CHPT1: variants seen among roughly 807,000 people sequenced by gnomAD.
CHPT1 encodes the protein cholinephosphotransferase 1.
CHPT1 carries 36 observed loss-of-function variants against 47.6 expected under a neutral mutation model. That is an observed-to-expected ratio of 0.76 (90% confidence interval 0.58 to 1.00). The LOEUF (loss-of-function observed/expected upper bound fraction) is 1.00, where lower values mean the gene tolerates loss of function less well. Among genes scored for constraint, CHPT1 ranks in the 50% least tolerant of loss-of-function variants. The pLI is 0.00. For synonymous variants in CHPT1, 194 were observed against 186.3 expected (o/e 1.04, Z -0.33); for missense variants, 458 against 498.1 (o/e 0.92, Z 0.77).
chr12:101,708,716 C>A (rs1318533626), intron 1 of CHPT1, among the ~76,000 whole-genome samples: 1 of 149,624 alleles, frequency 6.7e-6, no homozygotes, highest in African/African-American at 2.4e-5. Flanking sequence ...CGTGCCTCAG[C>A]CTCCTGAGTA....
At chr12:101,724,664 A>C (rs1360802726) in intron 7 of CHPT1, among the ~76,000 whole-genome samples, 1 of 152,188 alleles carries the variant, frequency 6.6e-6, no homozygotes, top group Non-Finnish European at 1.5e-5. Context: ...CCTTGAGGAT[A>C]GTGTATAATT....
chr12:101,727,924 G>GTT (rs1408040899), intron 8 of CHPT1: 2 of 152,102 alleles, frequency 1.3e-5, no homozygotes, highest in South Asian at 2.1e-4. Flanking sequence ...ATAAGGGTGA[G>GTT]TTATACAGGC....
intron 1 of CHPT1, among the ~76,000 whole-genome samples, chr12:101,707,721 G>T (rs1951651930): frequency 6.6e-6 from 1 of 152,148 alleles, no homozygotes; most frequent in African/African-American, 2.4e-5. Context: ...TGGAGTTTTG[G>T]ATTGGGTATG....
intron 6 of CHPT1, 107 bp downstream of exon 6, chr12:101,723,433 CATA>C (rs1951890573): frequency 4.1e-6 from 3 of 727,926 alleles, no homozygotes; most frequent in East Asian, 5.6e-5. Context: ...AGTGTAAAAT[CATA>C]ATAATTAGCT....
chr12:101,717,201 AAG>A (rs1159476341), intron 4 of CHPT1: 1 of 442,930 alleles, frequency 2.3e-6, no homozygotes, highest in South Asian at 1.6e-5. Context: ...AATATTAGGA[AAG>A]TAGTTAATTT....
At chr12:101,723,403 A>G in intron 6 of CHPT1, 77 bp downstream of exon 6, 1 of 913,268 alleles carries the variant, frequency 1.1e-6, no homozygotes, top group East Asian at 2.7e-5. Context: ...ATTTCATAAA[A>G]TGTATAGGTT....
At chr12:101,721,825 C>T (rs1445820762) in intron 5 of CHPT1, among the ~76,000 whole-genome samples, 1 of 152,074 alleles carries the variant, frequency 6.6e-6, no homozygotes. Context: ...CTTTGGGAGG[C>T]CGAGGCGGGC....
chr12:101,726,109 A>G (rs545086613), intron 7 of CHPT1, among the ~76,000 whole-genome samples, 185 bp from the exon 8 acceptor site: 2 of 152,218 alleles, frequency 1.3e-5, no homozygotes, highest in East Asian at 3.9e-4. Context: ...ACTGTGAAAT[A>G]ACCTGCATTT....
chr12:101,710,235 A>G (rs1445781908), intron 1 of CHPT1, among the ~76,000 whole-genome samples: 1 of 148,666 alleles, frequency 6.7e-6, no homozygotes, highest in Non-Finnish European at 1.5e-5. Context: ...AATCTCAGCT[A>G]CTTTGGGAGG....
At chr12:101,724,360 C>A (rs898570135) in intron 7 of CHPT1, among the ~76,000 whole-genome samples, 5 of 152,002 alleles carry the variant, frequency 3.3e-5, no homozygotes, top group Non-Finnish European at 7.4e-5. Flanking sequence ...TTTCCAACAA[C>A]CTGGATTCTT....
intron 1 of CHPT1, among the ~76,000 whole-genome samples, chr12:101,706,501 A>T (rs1279291659): frequency 6.6e-6 from 1 of 152,230 alleles, no homozygotes; most frequent in Non-Finnish European, 1.5e-5. Context: ...TACCATTTTC[A>T]TTTAGAGAAG....
At chr12:101,718,664 T>TAAA (rs869226936) in intron 4 of CHPT1, among the ~76,000 whole-genome samples, 1 of 129,044 alleles carries the variant, frequency 7.7e-6, no homozygotes, top group African/African-American at 2.9e-5. Flanking sequence ...ACCCCATCTT[T>TAAA]AAAAAAAAAA....
chr12:101,724,218 C>CAA (rs36006364), intron 7 of CHPT1, among the ~76,000 whole-genome samples: 15 of 77,172 alleles, frequency 1.9e-4, no homozygotes, highest in Admixed American at 3.8e-4. Flanking sequence ...GACTGTGTCT[C>CAA]AAAAAAAAAA....
intron 3 of CHPT1, among the ~76,000 whole-genome samples, 187 bp from the exon 4 acceptor site, chr12:101,716,541 C>T (rs1410673862): frequency 6.6e-6 from 1 of 152,112 alleles, no homozygotes; most frequent in Non-Finnish European, 1.5e-5. Context: ...TGTGTGAGCA[C>T]ATGTTGTTCT....
At chr12:101,709,388 C>CA (rs544323245) in intron 1 of CHPT1, among the ~76,000 whole-genome samples, 16,355 of 71,224 alleles carry the variant, frequency 0.23, 2,450 homozygotes, top group African/African-American at 0.42. Context: ...AGACCTGTGT[C>CA]AAAAAAAAAA....
chr12:101,713,333 G>A (rs905566132), intron 1 of CHPT1, among the ~76,000 whole-genome samples: 5 of 152,168 alleles, frequency 3.3e-5, no homozygotes, highest in African/African-American at 9.7e-5. Context: ...AGCCGAAGAC[G>A]GAAAGATACC....
intron 4 of CHPT1, chr12:101,719,640 A>AG: frequency 2.0e-6 from 1 of 490,660 alleles, no homozygotes. Flanking sequence ...CTGTGATGCT[A>AG]CTTTTTAGAA....
chr12:101,717,586 T>TGA, intron 4 of CHPT1, among the ~76,000 whole-genome samples: 1 of 152,352 alleles, frequency 6.6e-6, no homozygotes, highest in African/African-American at 2.4e-5. Flanking sequence ...AGTATTATGC[T>TGA]TTATAAATAA....
chr12:101,701,592 T>G (rs10860775), intron 1 of CHPT1, among the ~76,000 whole-genome samples: 13,334 of 152,254 alleles, frequency 0.088, 641 homozygotes, highest in South Asian at 0.18. Flanking sequence ...TATGCTTCCT[T>G]TGTAGGGCTT....
Sources: allele counts gnomAD v4.1 joint callset (sites outside exome capture counted in the v4.1 genomes callset), GRCh38; gene constraint gnomAD v4.1.1; transcripts MANE v1.5; gene names NCBI Gene and HGNC (gene_info 2026-07-23, HGNC 2026-07-21).